LPIN2: variants seen among roughly 807,000 people sequenced by gnomAD.
LPIN2 encodes the protein phosphatidate phosphatase LPIN2.
A neutral mutation model predicts 111.4 loss-of-function variants in LPIN2; 55 were observed. The observed-to-expected ratio is 0.49, with a 90% CI of 0.40 to 0.62. The LOEUF is 0.62. Among genes scored for constraint, LPIN2 ranks in the 20% least tolerant of loss-of-function variants. The pLI, the probability that LPIN2 is intolerant of heterozygous loss-of-function variation, is 0.00. For synonymous variants in LPIN2, 425 were observed against 414.0 expected (o/e 1.03, Z -0.32); for missense variants, 992 against 1,112.1 (o/e 0.89, Z 1.54).
At chr18:2,921,475 G>A (rs999698529) in intron 18 of LPIN2, 58 bp downstream of exon 18, 16 of 1,302,538 alleles carry the variant, frequency 1.2e-5, no homozygotes, top group African/African-American at 4.4e-5. Context: ...TACACCCCAC[G>A]AAGTACATCC....
chr18:3,002,544 T>C (rs1345348794), intron 1 of LPIN2, among the ~76,000 whole-genome samples: 1 of 152,276 alleles, frequency 6.6e-6, no homozygotes, highest in African/African-American at 2.4e-5. Context: ...ATTAACAAAA[T>C]TCATGCAGCC....
intron 1 of LPIN2, among the ~76,000 whole-genome samples, chr18:2,989,381 A>G (rs1598603228): frequency 1.3e-5 from 2 of 152,056 alleles, no homozygotes; most frequent in Admixed American, 1.3e-4. Flanking sequence ...TGCAAAAATC[A>G]CTGAAAAAAA....
At chr18:2,967,365 C>A (rs1181735681) in intron 1 of LPIN2, among the ~76,000 whole-genome samples, 1 of 152,074 alleles carries the variant, frequency 6.6e-6, no homozygotes, top group Non-Finnish European at 1.5e-5. Flanking sequence ...CCCAGAGTAA[C>A]CTAGAGGTGG....
chr18:3,005,933 A>G (rs16944195), intron 1 of LPIN2, among the ~76,000 whole-genome samples: 4,595 of 152,296 alleles, frequency 0.03, 226 homozygotes, highest in African/African-American at 0.1. Context: ...GGGATGATAA[A>G]GCAATGCACA....
At chr18:2,969,910 G>A (rs767387782) in intron 1 of LPIN2, among the ~76,000 whole-genome samples, 5 of 152,126 alleles carry the variant, frequency 3.3e-5, no homozygotes, top group African/African-American at 9.7e-5. Flanking sequence ...ACATCCTGTC[G>A]TATAAAGATG....
chr18:2,961,465 C>CA (rs1213836043), intron 1 of LPIN2, among the ~76,000 whole-genome samples: 1 of 152,158 alleles, frequency 6.6e-6, no homozygotes, highest in South Asian at 2.1e-4. Flanking sequence ...TTCAATGACT[C>CA]AATATAACTA....
chr18:3,004,434 A>G (rs1464686663), intron 1 of LPIN2, among the ~76,000 whole-genome samples: 1 of 152,160 alleles, frequency 6.6e-6, no homozygotes, highest in Non-Finnish European at 1.5e-5. Context: ...ACACTTAGGG[A>G]AAACAGAAAG....
At chr18:2,972,790 A>G (rs945388946) in intron 1 of LPIN2, among the ~76,000 whole-genome samples, 3 of 152,202 alleles carry the variant, frequency 2.0e-5, no homozygotes, top group African/African-American at 7.2e-5. Context: ...TCCTGTTCCC[A>G]CATTTCTCTT....
chr18:2,921,465 T>TAC, intron 18 of LPIN2, 68 bp downstream of exon 18: 1 of 1,170,456 alleles, frequency 8.5e-7, no homozygotes, highest in Non-Finnish European at 1.3e-6. Context: ...GGGACGTGGC[T>TAC]ACACCCCACG....
chr18:2,968,051 G>C (rs1362647811), intron 1 of LPIN2, among the ~76,000 whole-genome samples: 3 of 152,190 alleles, frequency 2.0e-5, no homozygotes, highest in African/African-American at 7.2e-5. Flanking sequence ...ACCTTCAGTG[G>C]AGAAAGAGCC....
intron 1 of LPIN2, among the ~76,000 whole-genome samples, chr18:2,980,425 C>T (rs1178328187): frequency 6.6e-6 from 1 of 152,182 alleles, no homozygotes; most frequent in Non-Finnish European, 1.5e-5. Flanking sequence ...TCAGTAATGA[C>T]AACGTGTTAT....
chr18:2,920,307 C>T lies in LPIN2; in HGVS notation c.2677G>A (p.Asp893Asn). The change falls in exon 20 of 20, where the codon GAT becomes AAT. Residue 893 changes from aspartate to asparagine, a missense_variant. By Grantham distance (23) the Asp-to-Asn change is conservative (BLOSUM62 1). This residue lies in a region of LPIN2 where 185 missense variants were observed against 186.5 expected (regional missense o/e 0.99). Transcript: ENST00000677752. Reference protein sequence around the residue: ...WRDPIPEVDLDDLS With the variant: ...WRDPIPEVDLNDLS ...GAGGTGCCGCCTCAAGACAGGTCATCCAGGTCCACTTCAGGGATCGGGTCT... is the reference window on the plus strand; with the variant it reads ...GAGGTGCCGCCTCAAGACAGGTCATTCAGGTCCACTTCAGGGATCGGGTCT... The T allele has an allele frequency of 6.2e-7, 1 of 1,614,170 alleles. No individual in the cohort carries two copies. Among genetic ancestry groups the T allele is most frequent in the Non-Finnish European group, 8.5e-7 (1 of 1,180,042 alleles).
At chr18:2,996,335 T>C (rs2078341349) in intron 1 of LPIN2, among the ~76,000 whole-genome samples, 1 of 151,678 alleles carries the variant, frequency 6.6e-6, no homozygotes, top group Non-Finnish European at 1.5e-5. Flanking sequence ...CAAGACTTCA[T>C]CCCAAAAATA....
At chr18:2,987,235 C>T (rs781010055) in intron 1 of LPIN2, among the ~76,000 whole-genome samples, 42 of 152,156 alleles carry the variant, frequency 2.8e-4, no homozygotes, top group Non-Finnish European at 5.3e-4. Flanking sequence ...AAACAAATTA[C>T]TTGTTATAGA....
intron 3 of LPIN2, among the ~76,000 whole-genome samples, chr18:2,953,961 T>C (rs1489588244): frequency 2.6e-5 from 4 of 152,226 alleles, no homozygotes; most frequent in Non-Finnish European, 5.9e-5. Flanking sequence ...CAAATCATGC[T>C]CGTTTGCTAG....
chr18:2,971,870 G>C (rs547531462), intron 1 of LPIN2, among the ~76,000 whole-genome samples: 40 of 151,906 alleles, frequency 2.6e-4, no homozygotes, highest in Admixed American at 1.6e-3. Context: ...GGCCAACATG[G>C]TGAAACTCTC....
intron 1 of LPIN2, among the ~76,000 whole-genome samples, chr18:3,011,027 C>T (rs2078593902): frequency 6.6e-6 from 1 of 152,116 alleles, no homozygotes; most frequent in African/African-American, 2.4e-5. Flanking sequence ...ATTCAACAGA[C>T]CTCGACCGAA....
At chr18:2,921,784 G>T in intron 17 of LPIN2, 137 bp from the exon 18 acceptor site, 1 of 789,920 alleles carries the variant, frequency 1.3e-6, no homozygotes, top group Non-Finnish European at 2.1e-6. Context: ...CTCCTTCTTT[G>T]CCAGTCTGAT....
chr18:2,938,587 G>A (rs1267462200), intron 6 of LPIN2, among the ~76,000 whole-genome samples: 1 of 152,122 alleles, frequency 6.6e-6, no homozygotes, highest in Non-Finnish European at 1.5e-5. Context: ...TGAGGAAACT[G>A]ACAATTTTCA....
Sources: gnomAD v4.1 joint callset for allele counts (sites outside exome capture counted in the v4.1 genomes callset) on GRCh38, gnomAD v4.1.1 for gene constraint, gnomAD v4.1.1 regional missense constraint, MANE v1.5 for transcripts, NCBI Gene and HGNC (gene_info 2026-07-23, HGNC 2026-07-21) for gene names.